SPART: variants seen among roughly 807,000 people sequenced by gnomAD.
SPART encodes spartin.
SPART carries 35 observed loss-of-function variants against 58.7 expected under a neutral mutation model. The observed-to-expected ratio is 0.60, with a 90% CI of 0.46 to 0.79. The LOEUF is 0.79. SPART is among the 30% of genes least tolerant of loss of function. The pLI, the probability that SPART is intolerant of heterozygous loss-of-function variation, is 0.00. For missense variants in SPART, 730 were observed against 786.1 expected (o/e 0.93, Z 0.85); for synonymous variants, 284 against 280.7 (o/e 1.01, Z -0.12).
intron 1 of SPART, among the ~76,000 whole-genome samples, chr13:36,362,009 G>A (rs1885879521): frequency 2.0e-5 from 3 of 152,104 alleles, no homozygotes; most frequent in Admixed American, 1.3e-4. Flanking sequence ...CTCCATTGTA[G>A]GCAGGCATTA....
intron 1 of SPART, among the ~76,000 whole-genome samples, chr13:36,367,394 A>T (rs1326876115): frequency 6.6e-6 from 1 of 152,114 alleles, no homozygotes; most frequent in Non-Finnish European, 1.5e-5. Flanking sequence ...TACGTGAATG[A>T]CATGCCTAGT....
intron 1 of SPART, among the ~76,000 whole-genome samples, chr13:36,359,932 A>AAAAAAAC (rs1555266109): frequency 1.3e-5 from 2 of 151,002 alleles, no homozygotes; most frequent in African/African-American, 4.9e-5. Context: ...TTAAAAAAAA[A>AAAAAAAC]AAAAAAAAAA....
chr13:36,339,641 A>ACAAC (rs1410426185), intron 1 of SPART, among the ~76,000 whole-genome samples: 1 of 150,056 alleles, frequency 6.7e-6, no homozygotes, highest in Non-Finnish European at 1.5e-5. Context: ...AAAAAAAAAA[A>ACAAC]AAAAAAAAAA....
At chr13:36,329,611 G>C (rs1883275827) in intron 3 of SPART, 94 bp from the exon 4 acceptor site, 1 of 1,301,028 alleles carries the variant, frequency 7.7e-7, no homozygotes, top group Non-Finnish European at 1.1e-6. Context: ...TGACATACTT[G>C]TTTGAATGTC....
intron 1 of SPART, among the ~76,000 whole-genome samples, chr13:36,342,221 A>G (rs78021987): frequency 0.014 from 2,194 of 152,318 alleles, 46 homozygotes; most frequent in African/African-American, 0.05. Context: ...CTCAATCCTT[A>G]CAAACAATTC....
Position 36,314,242 on chromosome 13 carries a change from C to T in SPART, c.1468G>A (p.Val490Ile), listed in dbSNP as rs756167721. ...AKQATGGAAK[V>I]SQFLVDGVCT... ...ATTACTTTACCCAGGAACTGACTGA[C>T]TTTTGCTGCTCCTCCTGTAGCTTGC... Residue 490 changes from valine (V) to isoleucine (I), a missense_variant, in exon 6 of 9, where the codon GTC becomes ATC. Val to Ile is a conservative substitution (Grantham distance 29). Transcript: ENST00000438666. The T allele has an allele frequency of 6.2e-7, 1 of 1,614,086 alleles. No individual in the cohort carries two copies. Among genetic ancestry groups the T allele is most frequent in the South Asian group, 1.1e-5 (1 of 91,082 alleles).
intron 1 of SPART, among the ~76,000 whole-genome samples, chr13:36,344,511 T>C (rs1372373392): frequency 2.0e-5 from 3 of 152,158 alleles, no homozygotes; most frequent in African/African-American, 4.8e-5. Flanking sequence ...AGGTTATATA[T>C]AAGTCTAATG....
rs1880318149 is a variant in SPART, at chr13:36,304,615, C to G, written c.1751G>C (p.Gly584Ala). Reference protein sequence around the residue: ...TVRYKYGYNAGEATHHAVDSA... With the variant: ...TVRYKYGYNAAEATHHAVDSA... ...ATCCACCGCATGGTGGGTAGCTTCT[C>G]CTGCATTATATCCGTATCTTTAAAA... Residue 584 changes from glycine (G) to alanine (A), a missense_variant, in exon 9 of 9, where the codon GGA becomes GCA. Transcript: ENST00000438666. 6.2e-7 allele frequency: 1 copy of G among 1,613,814 alleles called. No individual in the cohort carries two copies. Among genetic ancestry groups the G allele is most frequent in the Non-Finnish European group, 8.5e-7 (1 of 1,179,958 alleles).
chr13:36,333,977 C>T (rs1883715446), intron 2 of SPART, among the ~76,000 whole-genome samples: 1 of 152,122 alleles, frequency 6.6e-6, no homozygotes, highest in South Asian at 2.1e-4. Context: ...TGTCTTTAAA[C>T]AACTTTCAAG....
At chr13:36,367,502 C>G (rs1318680856) in intron 1 of SPART, among the ~76,000 whole-genome samples, 1 of 152,172 alleles carries the variant, frequency 6.6e-6, no homozygotes, top group Non-Finnish European at 1.5e-5. Context: ...GGGACCTCCT[C>G]TTTTGGCTTT....
At position 36,312,219 on chromosome 13, in the gene SPART, CCAGA is replaced by C; in HGVS notation, c.1655_1658del (p.Val552GlyfsTer47). On this transcript the variant is annotated frameshift_variant, in exon 8 of 9. Transcript: ENST00000438666. LOFTEE classifies it high-confidence loss of function. ...ATTTAGCTGCACATTCCAATCCTTG[CCAGA>C]CAGTTGAAAATCCTGTAAAAATAAT... 6.2e-7 allele frequency: 1 copy of C among 1,614,128 alleles called. No homozygotes were observed. Among genetic ancestry groups the C allele is most frequent in the Non-Finnish European group, 8.5e-7 (1 of 1,179,986 alleles).
chr13:36,353,543 G>A (rs1342886100), intron 1 of SPART, among the ~76,000 whole-genome samples: 2 of 152,176 alleles, frequency 1.3e-5, no homozygotes, highest in Non-Finnish European at 2.9e-5. Flanking sequence ...TGTTAGAAAG[G>A]CCCTATTATA....
chr13:36,333,039 C>G (rs2137530799), intron 2 of SPART, among the ~76,000 whole-genome samples: 1 of 149,338 alleles, frequency 6.7e-6, no homozygotes, highest in Middle Eastern at 3.4e-3. Flanking sequence ...TTAAACTATT[C>G]CATGGTTTCT....
At chr13:36,351,805 C>A (rs1885420949) in intron 1 of SPART, among the ~76,000 whole-genome samples, 1 of 152,100 alleles carries the variant, frequency 6.6e-6, no homozygotes, top group South Asian at 2.1e-4. Context: ...GTTGTCATTT[C>A]TTTTATTCAC....
chr13:36,347,545 G>C (rs76032323), upstream of SPART, among the ~76,000 whole-genome samples: 4,746 of 152,190 alleles, frequency 0.031, 111 homozygotes, highest in Non-Finnish European at 0.043. Context: ...GAGTCACCGC[G>C]CCTGGCCTTA....
intron 5 of SPART, among the ~76,000 whole-genome samples, chr13:36,324,407 G>A (rs1313478026): frequency 6.6e-6 from 1 of 152,168 alleles, no homozygotes; most frequent in Admixed American, 6.5e-5. Context: ...CTATTTGGCA[G>A]TCCTAGACTT....
intron 1 of SPART, among the ~76,000 whole-genome samples, chr13:36,339,421 G>A (rs1011006852): frequency 1.3e-5 from 2 of 151,670 alleles, no homozygotes; most frequent in Admixed American, 6.6e-5. Context: ...GATCACCTGA[G>A]GTCAGGAGCT....
Position 36,302,003 on chromosome 13 carries a change from G to A in SPART, c.*2362C>T, listed in dbSNP as rs928364603. ...AAACTCAAAAAAGCAAGTTGAGTAA[G>A]ACTTCACATTCAGACACTATATGTA... On this transcript the variant is annotated 3_prime_UTR_variant, in exon 9 of 9. Transcript: ENST00000438666. The A allele has an allele frequency of 1.3e-5, 2 of 151,836 alleles. No homozygotes were observed. The highest frequency in any genetic ancestry group is 4.9e-5 in the African/African-American group (2 of 41,124). The allele number at this position is 151,836 out of a possible 1,614,324, so 9.4% of individuals were successfully genotyped here.
intron 1 of SPART, among the ~76,000 whole-genome samples, chr13:36,339,369 GAAT>G (rs1463885162): frequency 1.3e-5 from 2 of 151,934 alleles, no homozygotes; most frequent in African/African-American, 2.4e-5. Flanking sequence ...CATATCATTT[GAAT>G]AATAAAACTT....
Sources: gnomAD v4.1 joint callset for allele counts (sites outside exome capture counted in the v4.1 genomes callset) on GRCh38, gnomAD v4.1.1 for gene constraint, MANE v1.5 for transcripts, NCBI Gene and HGNC (gene_info 2026-07-23, HGNC 2026-07-21) for gene names.